Variants in ATRN observed in about 807,000 individuals in gnomAD.
ATRN encodes the protein attractin.
ATRN carries 54 observed loss-of-function variants against 178.7 expected under a neutral mutation model. That is an observed-to-expected ratio of 0.30 (90% CI 0.24 to 0.38). The LOEUF is 0.38. Among genes scored for constraint, ATRN ranks in the 10% least tolerant of loss-of-function variants. The probability of loss-of-function intolerance (pLI) is 1.00; values close to 1 mark genes in which losing one functional copy is unlikely to be tolerated. For missense variants in ATRN, 1,443 were observed against 1,815.1 expected (o/e 0.79, Z 3.73); for synonymous variants, 636 against 663.0 (o/e 0.96, Z 0.63).
In ATRN at chr20:3,591,323, A is replaced by C. The variant is rs777131855; in HGVS notation, c.3322+17A>C. 75 of 1,610,146 alleles carry C rather than the reference A, an allele frequency of 4.7e-5. No homozygotes were observed. The highest frequency in any genetic ancestry group is 6.3e-5 in the Non-Finnish European group (74 of 1,177,732). ...AATGTCAGCGTAAGTCAAATTGGTC[A>C]GGTTTACTCATGGCAAATCGGTGTG... On this transcript the variant is annotated intron_variant, in intron 19 of 28. Coordinates refer to ENST00000262919, the MANE Select transcript of ATRN (RefSeq NM_139321.3).
intron 1 of ATRN, among the ~76,000 whole-genome samples, chr20:3,495,199 G>A (rs2084861993): frequency 6.6e-6 from 1 of 152,066 alleles, no homozygotes; most frequent in Non-Finnish European, 1.5e-5. Context: ...TTCTGATAGA[G>A]ACGAAACTTT....
chr20:3,578,095 C>G (rs1342425607), intron 14 of ATRN, among the ~76,000 whole-genome samples: 1 of 152,188 alleles, frequency 6.6e-6, no homozygotes, highest in Non-Finnish European at 1.5e-5. Context: ...TCTCACCTTG[C>G]TTTTGGGATG....
intron 22 of ATRN, among the ~76,000 whole-genome samples, chr20:3,600,003 T>C (rs1295367980): frequency 1.3e-5 from 2 of 152,248 alleles, no homozygotes; most frequent in African/African-American, 4.8e-5. Flanking sequence ...AATCTTATTC[T>C]AACCTCTCAA....
At chr20:3,494,189 C>A (rs2084846357) in intron 1 of ATRN, among the ~76,000 whole-genome samples, 1 of 152,160 alleles carries the variant, frequency 6.6e-6, no homozygotes, top group Admixed American at 6.6e-5. Context: ...ACAGAGAAGT[C>A]AGGCTGTGCT....
Position 3,496,379 on chromosome 20 carries a change from A to G in ATRN, c.410+24862A>G, listed in dbSNP as rs1430281782. Among the ~76,000 whole-genome samples the G allele has an allele frequency of 7.3e-5, 11 of 151,414 alleles. 1 individual carries two copies. In the East Asian group the frequency reaches 1.7e-3, roughly 24 times the overall value. ...TTTGTTCTCGTTGGTTTCAAAGAAC[A>G]TCTTTATTTCTGCCTTCATTTCGTT... On this transcript the variant is annotated intron_variant, in intron 1 of 28. Transcript: ENST00000262919.
intron 1 of ATRN, among the ~76,000 whole-genome samples, chr20:3,502,708 AAG>A (rs2084980990): frequency 6.6e-6 from 1 of 152,198 alleles, no homozygotes. Flanking sequence ...CAGAACTGGT[AAG>A]AGAGACCCAA....
intron 6 of ATRN, among the ~76,000 whole-genome samples, chr20:3,553,447 C>T (rs1306759107): frequency 6.6e-6 from 1 of 152,154 alleles, no homozygotes; most frequent in East Asian, 1.9e-4. Context: ...CAGTAGGTTT[C>T]TATCAAATCT....
chr20:3,492,877 A>T (rs867461114), intron 1 of ATRN, among the ~76,000 whole-genome samples: 4 of 135,754 alleles, frequency 2.9e-5, no homozygotes, highest in Admixed American at 7.1e-5. Flanking sequence ...GTGCGCACGC[A>T]CACACACACA....
At position 3,576,784 on chromosome 20, in the gene ATRN, A is replaced by G. The variant is rs556800321; in HGVS notation, c.2215-75A>G. On this transcript the variant is annotated intron_variant, in intron 13 of 28. Transcript: ENST00000262919. Reference sequence around the variant, plus strand: ...CTTCCTCAATTAGATTTTGTTGTCTATAATATCCTGTTGGTCCTCACCATA... The same window carrying G: ...CTTCCTCAATTAGATTTTGTTGTCTGTAATATCCTGTTGGTCCTCACCATA... The G allele has an allele frequency of 3.5e-5, 53 of 1,528,446 alleles. No homozygotes were observed. The South Asian group carries it at 4.5e-4, about 13-fold the overall frequency. 94.7% of individuals were successfully genotyped at this position (1,528,446 alleles called of 1,614,324 possible).
chr20:3,546,534 G>A (rs2085705077), intron 4 of ATRN, among the ~76,000 whole-genome samples: 2 of 151,654 alleles, frequency 1.3e-5, no homozygotes, highest in South Asian at 4.2e-4. Context: ...TGGGATTACA[G>A]GCACCCACCA....
intron 1 of ATRN, chr20:3,490,721 T>TG (rs1568684316): frequency 1.3e-6 from 1 of 795,998 alleles, no homozygotes. Context: ...AGATCTCATT[T>TG]GGGTGCTTCT....
intron 1 of ATRN, among the ~76,000 whole-genome samples, chr20:3,524,566 T>A (rs903453059): frequency 6.6e-6 from 1 of 152,198 alleles, no homozygotes; most frequent in African/African-American, 2.4e-5. Context: ...CAACAGGACC[T>A]AATAGACATC....
Position 3,650,761 on chromosome 20 carries a change from C to T in ATRN, c.*3914C>T, listed in dbSNP as rs2087140915. The T allele has an allele frequency of 1.3e-5, 2 of 148,948 alleles. No individual in the cohort carries two copies. The highest frequency in any genetic ancestry group is 2.1e-4 in the South Asian group (1 of 4,690). 9.2% of individuals were successfully genotyped at this position (148,948 alleles called of 1,614,324 possible). On this transcript the variant is annotated 3_prime_UTR_variant, in exon 29 of 29. Coordinates refer to ENST00000262919, the MANE Select transcript of ATRN (RefSeq NM_139321.3). ...TTCTAAACACTAGTGAAGCCTGTTT[C>T]GTTGAACTAATTCTGGCTCTGGAAA...
At chr20:3,597,717 G>C (rs886287535) in intron 21 of ATRN, among the ~76,000 whole-genome samples, 189 bp from the exon 22 acceptor site, 2 of 152,182 alleles carry the variant, frequency 1.3e-5, no homozygotes, top group Admixed American at 6.5e-5. Flanking sequence ...CTTTAAAGCG[G>C]TTTGATGGGT....
chr20:3,606,915 G>C (rs563145589), intron 24 of ATRN, among the ~76,000 whole-genome samples: 7 of 152,238 alleles, frequency 4.6e-5, no homozygotes, highest in African/African-American at 1.7e-4. Context: ...AGAGTTAACT[G>C]AACCTCAAGT....
At chr20:3,500,182 C>G (rs1278159466) in intron 1 of ATRN, among the ~76,000 whole-genome samples, 4 of 152,140 alleles carry the variant, frequency 2.6e-5, no homozygotes, top group Non-Finnish European at 5.9e-5. Context: ...AGTCAGGAAA[C>G]AACAGGTGCT....
At chr20:3,598,581 G>A (rs1489457196) in intron 22 of ATRN, among the ~76,000 whole-genome samples, 1 of 152,224 alleles carries the variant, frequency 6.6e-6, no homozygotes, top group Non-Finnish European at 1.5e-5. Context: ...TATGTAAAAT[G>A]TGGATTTTTT....
intron 25 of ATRN, among the ~76,000 whole-genome samples, chr20:3,630,428 C>T (rs2086980929): frequency 6.6e-6 from 1 of 152,096 alleles, no homozygotes; most frequent in Admixed American, 6.5e-5. Flanking sequence ...TTAGACTCTT[C>T]AGGGTAAGTG....
At position 3,519,006 on chromosome 20, in the gene ATRN, T is replaced by TATAAAAAAA. The variant is rs770584938; in HGVS notation, c.411-16246_411-16245insTAAAAAAAA. Among the ~76,000 whole-genome samples, 30 of 119,462 alleles carry TATAAAAAAA rather than the reference T, an allele frequency of 2.5e-4. 1 individual carries two copies. Among genetic ancestry groups the TATAAAAAAA allele is most frequent in the Non-Finnish European group, 3.4e-4 (20 of 58,108 alleles). 78.4% of individuals were successfully genotyped at this position (119,462 alleles called of 152,430 possible). ...GTGCTTCAATAAACATCCTTATATA[T>TATAAAAAAA]AAAAAAAAAAAAAAGAAAGAAAACT... On this transcript the variant is annotated intron_variant, in intron 1 of 28. Coordinates refer to ENST00000262919, the MANE Select transcript of ATRN (RefSeq NM_139321.3).
Sources: allele counts gnomAD v4.1 joint callset (sites outside exome capture counted in the v4.1 genomes callset), GRCh38; gene constraint gnomAD v4.1.1; transcripts MANE v1.5; gene names NCBI Gene and HGNC (gene_info 2026-07-23, HGNC 2026-07-21).